SPATA13: variants seen among roughly 807,000 people sequenced by gnomAD.
SPATA13 encodes spermatogenesis associated 13, also known as spermatogenesis-associated protein 13.
SPATA13 carries 50 observed loss-of-function variants against 104.0 expected under a neutral mutation model. The observed-to-expected ratio is 0.48, with a 90% CI of 0.38 to 0.61. The LOEUF is 0.61. SPATA13 is among the 20% of genes least tolerant of loss of function. SPATA13 has a pLI of 0.00. For synonymous variants in SPATA13, 606 were observed against 667.5 expected (o/e 0.91, Z 1.42); for missense variants, 1,524 against 1,690.6 (o/e 0.90, Z 1.73).
At chr13:24,251,589 C>A in intron 3 of SPATA13, 129 bp from the exon 4 acceptor site, 1 of 1,507,770 alleles carries the variant, frequency 6.6e-7, no homozygotes, top group Non-Finnish European at 8.8e-7. Context: ...GCCTGCAACT[C>A]GTGGCAGGAT....
At chr13:24,075,291 G>T (rs935332162) in intron 3 of SPATA13, among the ~76,000 whole-genome samples, 1 of 152,082 alleles carries the variant, frequency 6.6e-6, no homozygotes, top group Non-Finnish European at 1.5e-5. Flanking sequence ...CAGACCTCAT[G>T]CTTATTTTAC....
At chr13:24,195,121 T>C (rs1433975125) in intron 1 of SPATA13, among the ~76,000 whole-genome samples, 1 of 152,192 alleles carries the variant, frequency 6.6e-6, no homozygotes, top group Non-Finnish European at 1.5e-5. Flanking sequence ...TTCCTCCTGC[T>C]CCAGGCTCTG....
At chr13:24,065,895 A>G (rs1393519111) in intron 3 of SPATA13, among the ~76,000 whole-genome samples, 1 of 152,222 alleles carries the variant, frequency 6.6e-6, no homozygotes, top group Non-Finnish European at 1.5e-5. Flanking sequence ...CAGCTCTGCC[A>G]CTTAACAATT....
rs1009652061 is a variant in SPATA13, at chr13:24,051,613, C to T, written c.-112+33912C>T. On this transcript the variant is annotated intron_variant, in intron 3 of 14. Coordinates refer to the SPATA13 transcript ENST00000424834. This position sits in a 1 kb window ranked among gnomAD's most constrained non-coding sequence, Gnocchi z 4.2. ...TGCTGGTCTAGTAGAGTGGAGCCAG[C>T]GGAGACAATGCTCCCTGTTTGGGGA... Among the ~76,000 whole-genome samples, 8 of 151,668 alleles carry T rather than the reference C, an allele frequency of 5.3e-5. No homozygotes were observed. The highest frequency in any genetic ancestry group is 3.9e-4 in the Admixed American group (6 of 15,244).
At chr13:24,162,260 C>T (rs1882532457) in intron 1 of SPATA13, among the ~76,000 whole-genome samples, 1 of 152,244 alleles carries the variant, frequency 6.6e-6, no homozygotes, top group Non-Finnish European at 1.5e-5. Context: ...TTCCTTGTTT[C>T]CCCATGTTTC....
intron 3 of SPATA13, among the ~76,000 whole-genome samples, chr13:24,101,304 G>A (rs548539630): frequency 3.3e-5 from 5 of 152,110 alleles, no homozygotes; most frequent in South Asian, 2.1e-4. Flanking sequence ...ATGAACATTC[G>A]CTATGTTGGA....
At position 23,996,360 on chromosome 13, in the gene SPATA13, C is replaced by T. The variant is rs7995090; in HGVS notation, c.-147+12427C>T. 6.6e-3 allele frequency among the ~76,000 whole-genome samples: 1,000 copies of T among 152,000 alleles called. 13 individuals are homozygous for T. The highest frequency in any genetic ancestry group is 0.021 in the African/African-American group (871 of 41,426). ...AGAAGGGCATAAAATTCAGATAAGC[C>T]AGAGAAGAAAGGCTTTCAGCAAATT... On this transcript the variant is annotated intron_variant, in intron 2 of 14. Transcript: ENST00000424834.
At chr13:24,118,912 T>TTTTC (rs55865084) in intron 3 of SPATA13, among the ~76,000 whole-genome samples, 20 of 122,908 alleles carry the variant, frequency 1.6e-4, no homozygotes, top group Middle Eastern at 3.8e-3. Context: ...TTTTCTTTTC[T>TTTTC]TTTTTTTTTT....
intron 3 of SPATA13, among the ~76,000 whole-genome samples, chr13:24,023,689 G>C (rs1429199285): frequency 6.6e-6 from 1 of 152,200 alleles, no homozygotes; most frequent in Non-Finnish European, 1.5e-5. Flanking sequence ...GAGAGATGCA[G>C]TGTGAGAACC....
intron 3 of SPATA13, among the ~76,000 whole-genome samples, chr13:24,024,356 CGGATGGATGGATGGATGGAT>C (rs71070644): frequency 2.7e-5 from 4 of 150,878 alleles, no homozygotes; most frequent in Non-Finnish European, 5.9e-5. Flanking sequence ...AATGGATGGA[CGGATGGATGGATGGATGGAT>C]GGATGGATAG....
intron 2 of SPATA13, among the ~76,000 whole-genome samples, chr13:24,013,822 T>G (rs981088426): frequency 2.0e-5 from 3 of 151,726 alleles, no homozygotes; most frequent in Non-Finnish European, 2.9e-5. Context: ...GGGTGCTGCA[T>G]ACAGTCAATA....
At chr13:24,105,506 C>T (rs796591849) in intron 3 of SPATA13, among the ~76,000 whole-genome samples, 1 of 150,686 alleles carries the variant, frequency 6.6e-6, no homozygotes, top group Non-Finnish European at 1.5e-5. Flanking sequence ...GGATTGCCAG[C>T]ACCAAGCACA....
intron 11 of SPATA13, among the ~76,000 whole-genome samples, chr13:24,299,943 C>G (rs1877067333): frequency 2.6e-5 from 4 of 152,216 alleles, no homozygotes; most frequent in African/African-American, 9.6e-5. Context: ...AGCTGGGGTA[C>G]AGAATCCGCT....
At chr13:24,240,424 A>G (rs1057413690) in intron 2 of SPATA13, among the ~76,000 whole-genome samples, 5 of 152,234 alleles carry the variant, frequency 3.3e-5, no homozygotes, top group African/African-American at 1.2e-4. Flanking sequence ...CTAAGGGGGA[A>G]AAACCTATTA....
intron 4 of SPATA13, among the ~76,000 whole-genome samples, chr13:24,271,817 A>C (rs1379731325): frequency 1.3e-5 from 2 of 152,212 alleles, no homozygotes; most frequent in African/African-American, 4.8e-5. Context: ...TCAGAGCAGT[A>C]CAGTTTGTAG....
intron 11 of SPATA13, among the ~76,000 whole-genome samples, chr13:24,298,034 C>G (rs767352744): frequency 6.6e-6 from 1 of 152,098 alleles, no homozygotes; most frequent in Non-Finnish European, 1.5e-5. Context: ...GTTATTATAC[C>G]CAATTTACAG....
In SPATA13 at chr13:24,290,677, A is replaced by C. The variant is rs745419856; in HGVS notation, c.2873A>C (p.Glu958Ala). Residue 958 changes from glutamate (E) to alanine (A), a missense_variant, in exon 9 of 13, where the codon GAG becomes GCG. By Grantham distance (107) the Glu-to-Ala change is moderately radical. Around this residue, in one of 2 missense-constraint regions of SPATA13, gnomAD observed 435 missense variants for 554.8 expected, o/e 0.78. Transcript: ENST00000382108. ...CAAGAGGGCTTTGCCATCTATTCCG[A>C]GTACTGCAACAACCACCCGGGCGCC... ...QNQEGFAIYS[E>A]YCNNHPGACL... 6.2e-7 allele frequency: 1 copy of C among 1,614,062 alleles called. No homozygotes were observed. The highest frequency in any genetic ancestry group is 1.3e-5 in the African/African-American group (1 of 74,918).
chr13:24,223,005 G>C lies in SPATA13; in HGVS notation c.76G>C (p.Gly26Arg). 1 of 1,551,342 alleles carries C rather than the reference G, an allele frequency of 6.4e-7. No individual in the cohort carries two copies. The highest frequency in any genetic ancestry group is 8.7e-7 in the Non-Finnish European group (1 of 1,146,730). Residue 26 changes from glycine (G) to arginine (R), a missense_variant, in exon 2 of 13, where the codon GGC becomes CGC. Gly to Arg is a moderately radical substitution (Grantham distance 125). Transcript: ENST00000382108. ...MTTAPNGLGP[G>R]PAAPCAGSDL... ...CACTGCCCCAAACGGCCTCGGGCCAGGCCCCGCAGCCCCCTGTGCAGGCTC... is the reference window on the plus strand; with the variant it reads ...CACTGCCCCAAACGGCCTCGGGCCACGCCCCGCAGCCCCCTGTGCAGGCTC...
chr13:24,277,280 TA>T, intron 4 of SPATA13, among the ~76,000 whole-genome samples: 1 of 151,794 alleles, frequency 6.6e-6, no homozygotes, highest in African/African-American at 2.4e-5. Flanking sequence ...ACGTCTCTAC[TA>T]AAAATACAAA....
Sources: allele counts gnomAD v4.1 joint callset (sites outside exome capture counted in the v4.1 genomes callset), GRCh38; gene constraint gnomAD v4.1.1; regional missense constraint gnomAD v4.1.1; non-coding constraint Gnocchi (gnomAD v3.1); transcripts MANE v1.5; gene names NCBI Gene and HGNC (gene_info 2026-07-23, HGNC 2026-07-21).